DAB1: variants seen among roughly 807,000 people sequenced by gnomAD.
DAB1 encodes the protein DAB adaptor protein 1.
A neutral mutation model predicts 64.6 loss-of-function variants in DAB1; 15 were observed. The observed-to-expected ratio is 0.23, with a 90% CI of 0.16 to 0.36. The LOEUF (loss-of-function observed/expected upper bound fraction) is 0.36, where lower values mean the gene tolerates loss of function less well. Among genes scored for constraint, DAB1 ranks in the 10% least tolerant of loss-of-function variants. The probability of loss-of-function intolerance (pLI) is 1.00; values close to 1 mark genes in which losing one functional copy is unlikely to be tolerated. For missense variants in DAB1, 596 were observed against 706.7 expected (o/e 0.84, Z 1.78); for synonymous variants, 235 against 251.9 (o/e 0.93, Z 0.64).
intron 1 of DAB1, among the ~76,000 whole-genome samples, chr1:57,838,015 T>G (rs1444375837): frequency 6.6e-6 from 1 of 152,014 alleles, no homozygotes; most frequent in Non-Finnish European, 1.5e-5. Context: ...GATATTTACC[T>G]AGTGTTTACT....
intron 7 of DAB1, among the ~76,000 whole-genome samples, chr1:57,482,208 C>T (rs911493334): frequency 3.3e-5 from 5 of 151,886 alleles, no homozygotes; most frequent in South Asian, 4.2e-4. Flanking sequence ...CATGAAAGAG[C>T]GATGATAAAA....
intron 1 of DAB1, among the ~76,000 whole-genome samples, chr1:57,378,409 T>G (rs1042286614): frequency 6.6e-6 from 1 of 152,258 alleles, no homozygotes; most frequent in African/African-American, 2.4e-5. Context: ...GAGCTAGTTT[T>G]AAATCCTGAG....
At chr1:57,587,450 G>A (rs1645393734) in intron 7 of DAB1, among the ~76,000 whole-genome samples, 1 of 152,132 alleles carries the variant, frequency 6.6e-6, no homozygotes, top group African/African-American at 2.4e-5. Flanking sequence ...TACCTATCAG[G>A]AGACTCTATC....
intron 2 of DAB1, among the ~76,000 whole-genome samples, chr1:57,165,252 T>C (rs888807997): frequency 6.7e-6 from 1 of 149,008 alleles, no homozygotes; most frequent in Non-Finnish European, 1.5e-5. Flanking sequence ...AAAAATAGGT[T>C]TTTTTTTTAA....
chr1:57,818,349 TG>T (rs1651964242), intron 6 of DAB1, among the ~76,000 whole-genome samples: 1 of 152,282 alleles, frequency 6.6e-6, no homozygotes, highest in South Asian at 2.1e-4. Flanking sequence ...TAACGCCCCA[TG>T]TCCCTAAACA....
chr1:58,508,561 GATC>G (rs1646025116), intron 2 of DAB1, among the ~76,000 whole-genome samples: 1 of 152,110 alleles, frequency 6.6e-6, no homozygotes, highest in Admixed American at 6.6e-5. Flanking sequence ...AGCACCATAT[GATC>G]ATAAGAACAC....
At chr1:57,819,655 G>C (rs1164376176) in intron 6 of DAB1, among the ~76,000 whole-genome samples, 1 of 152,204 alleles carries the variant, frequency 6.6e-6, no homozygotes, top group Non-Finnish European at 1.5e-5. Context: ...CTAAGATAAA[G>C]ATGAAAAGAT....
chr1:58,037,302 T>A (rs1647059494), intron 5 of DAB1, among the ~76,000 whole-genome samples: 1 of 152,136 alleles, frequency 6.6e-6, no homozygotes, highest in Non-Finnish European at 1.5e-5. Flanking sequence ...ACTCCCTTTT[T>A]CTGATGAGGA....
chr1:57,905,568 G>T (rs1197908666), intron 5 of DAB1, among the ~76,000 whole-genome samples: 1 of 152,132 alleles, frequency 6.6e-6, no homozygotes. Flanking sequence ...CTATATTTCA[G>T]AACTGTACAT....
chr1:57,701,071 T>C (rs1646901880), intron 6 of DAB1, among the ~76,000 whole-genome samples: 1 of 151,958 alleles, frequency 6.6e-6, no homozygotes, highest in African/African-American at 2.4e-5. Flanking sequence ...CTGGAGAGGA[T>C]GTGGAGAAAC....
chr1:58,008,262 T>C (rs892854819), intron 5 of DAB1, among the ~76,000 whole-genome samples: 2 of 152,180 alleles, frequency 1.3e-5, no homozygotes, highest in Admixed American at 6.5e-5. Flanking sequence ...ACACTCCTAA[T>C]TCCCGGTTTT....
chr1:57,417,135 A>G (rs1455886399), intron 1 of DAB1, among the ~76,000 whole-genome samples: 1 of 152,176 alleles, frequency 6.6e-6, no homozygotes, highest in African/African-American at 2.4e-5. Context: ...ACGTATGATC[A>G]GAGAAAGGTT....
chr1:58,426,686 A>G (rs1411974596), intron 3 of DAB1, among the ~76,000 whole-genome samples: 13 of 152,216 alleles, frequency 8.5e-5, no homozygotes. Flanking sequence ...AGACAGAGAA[A>G]CAGACACCTT....
At chr1:58,324,634 G>T (rs1306803702) in intron 4 of DAB1, among the ~76,000 whole-genome samples, 1 of 152,110 alleles carries the variant, frequency 6.6e-6, no homozygotes, top group African/African-American at 2.4e-5. Context: ...AACCCAAAGT[G>T]TTTTCTTTTT....
chr1:57,997,579 C>T (rs1646444597), intron 5 of DAB1, among the ~76,000 whole-genome samples: 1 of 152,094 alleles, frequency 6.6e-6, no homozygotes, highest in Admixed American at 6.6e-5. Flanking sequence ...TACAGATTTG[C>T]CACCACTAAC....
chr1:57,678,762 T>TG (rs1362119365), intron 6 of DAB1, among the ~76,000 whole-genome samples: 1 of 17,256 alleles, frequency 5.8e-5, no homozygotes, highest in Non-Finnish European at 1.1e-4. Flanking sequence ...GAGGCAACTG[T>TG]TTTTTGTTTT....
At chr1:58,329,052 T>G (rs1159482530) in intron 4 of DAB1, among the ~76,000 whole-genome samples, 2 of 152,246 alleles carry the variant, frequency 1.3e-5, no homozygotes, top group Non-Finnish European at 2.9e-5. Flanking sequence ...TTTCTTCTAT[T>G]AATCAGTGAC....
At chr1:57,034,284 A>AAAAAAAAAAG (rs924901173) in intron 9 of DAB1, among the ~76,000 whole-genome samples, 3 of 151,472 alleles carry the variant, frequency 2.0e-5, no homozygotes, top group African/African-American at 7.3e-5. Context: ...ATTTCAAAAA[A>AAAAAAAAAAG]AAAAAAAGAA....
chr1:57,381,985 A>G (rs1179159541), intron 1 of DAB1, among the ~76,000 whole-genome samples: 1 of 152,180 alleles, frequency 6.6e-6, no homozygotes, highest in Non-Finnish European at 1.5e-5. Context: ...GATCACAACA[A>G]AGAAGCTGCT....
Sources: gnomAD v4.1 joint callset for allele counts (sites outside exome capture counted in the v4.1 genomes callset) on GRCh38, gnomAD v4.1.1 for gene constraint, MANE v1.5 for transcripts, NCBI Gene and HGNC (gene_info 2026-07-23, HGNC 2026-07-21) for gene names.